Variants in RNF38 observed in about 807,000 individuals in gnomAD.
RNF38 encodes ring finger protein 38, also known as E3 ubiquitin-protein ligase RNF38.
RNF38 carries 15 observed loss-of-function variants against 67.2 expected under a neutral mutation model. The observed-to-expected ratio is 0.22, with a 90% CI of 0.15 to 0.34. The LOEUF (loss-of-function observed/expected upper bound fraction) is 0.34. Among genes scored for constraint, RNF38 ranks in the 10% least tolerant of loss-of-function variants. The pLI is 1.00. For missense variants in RNF38, 524 were observed against 639.9 expected (o/e 0.82, Z 1.95); for synonymous variants, 220 against 218.8 (o/e 1.01, Z -0.05).
At chr9:36,454,516 G>C (rs991756623) in intron 1 of RNF38, among the ~76,000 whole-genome samples, 1 of 151,174 alleles carries the variant, frequency 6.6e-6, no homozygotes, top group African/African-American at 2.4e-5. Flanking sequence ...TATTATGTTA[G>C]GTGTTTCTGA....
At chr9:36,457,397 C>A (rs1429398185) in intron 1 of RNF38, among the ~76,000 whole-genome samples, 2 of 152,196 alleles carry the variant, frequency 1.3e-5, no homozygotes, top group Admixed American at 1.3e-4. Context: ...TAACTCTTTT[C>A]CACTGAGCTA....
At chr9:36,347,353 T>TA (rs1416893676) in intron 9 of RNF38, among the ~76,000 whole-genome samples, 9 of 152,170 alleles carry the variant, frequency 5.9e-5, no homozygotes, top group Admixed American at 5.9e-4. Flanking sequence ...ATGCCACAGA[T>TA]ACGACCTTTT....
At chr9:36,385,218 G>C (rs556456761) in intron 2 of RNF38, among the ~76,000 whole-genome samples, 30 of 152,130 alleles carry the variant, frequency 2.0e-4, no homozygotes, top group African/African-American at 6.3e-4. Flanking sequence ...TTCTTGATCA[G>C]ATTTTGTTAT....
chr9:36,351,324 C>T, intron 8 of RNF38, 125 bp from the exon 9 acceptor site: 1 of 605,188 alleles, frequency 1.7e-6, no homozygotes, highest in Non-Finnish European at 2.8e-6. Context: ...ACAAATTTAA[C>T]AAAACATATG....
intron 9 of RNF38, among the ~76,000 whole-genome samples, chr9:36,345,423 A>G (rs1833157174): frequency 6.6e-6 from 1 of 152,166 alleles, no homozygotes. Context: ...TGTGAGCTGG[A>G]TAATTCTTTG....
chr9:36,435,066 T>C (rs1014277602), intron 1 of RNF38, among the ~76,000 whole-genome samples: 4 of 152,008 alleles, frequency 2.6e-5, no homozygotes, highest in Admixed American at 6.6e-5. Flanking sequence ...AACAAAGCAA[T>C]GTGTGGAACA....
intron 2 of RNF38, among the ~76,000 whole-genome samples, chr9:36,420,552 A>G (rs536311944): frequency 2.7e-5 from 4 of 150,034 alleles, no homozygotes; most frequent in South Asian, 4.2e-4. Context: ...AAAAAAGAGG[A>G]CAACCTTCTC....
At chr9:36,370,647 T>G (rs1835306108) in intron 3 of RNF38, among the ~76,000 whole-genome samples, 1 of 152,200 alleles carries the variant, frequency 6.6e-6, no homozygotes. Context: ...GGCTCATGCC[T>G]GTAATCCTAG....
intron 1 of RNF38, among the ~76,000 whole-genome samples, chr9:36,455,762 A>C (rs1170456651): frequency 1.3e-5 from 2 of 151,704 alleles, no homozygotes; most frequent in Non-Finnish European, 2.9e-5. Context: ...CGTCTCTACT[A>C]AAAGTACAAA....
upstream of RNF38, chr9:36,400,603 G>A (rs1333678816): frequency 6.1e-6 from 6 of 986,094 alleles, no homozygotes; most frequent in Non-Finnish European, 7.2e-6. Context: ...GATCCTCGCT[G>A]GGCCGCCGCC....
chr9:36,366,781 T>C (rs779907762), intron 4 of RNF38, among the ~76,000 whole-genome samples: 3 of 152,216 alleles, frequency 2.0e-5, no homozygotes, highest in Admixed American at 6.5e-5. Flanking sequence ...TAGGTCTGTT[T>C]CTATTGGTTT....
At chr9:36,456,799 G>A (rs1480774481) in intron 1 of RNF38, among the ~76,000 whole-genome samples, 2 of 152,086 alleles carry the variant, frequency 1.3e-5, no homozygotes, top group African/African-American at 4.8e-5. Context: ...CCAACAGATT[G>A]GGCCATGTTG....
intron 2 of RNF38, among the ~76,000 whole-genome samples, chr9:36,411,679 A>G (rs926869210): frequency 4.6e-5 from 7 of 151,924 alleles, no homozygotes; most frequent in African/African-American, 7.3e-5. Flanking sequence ...CTCCTGCCTC[A>G]GCCTCCTAAG....
intron 10 of RNF38, among the ~76,000 whole-genome samples, chr9:36,343,823 T>G (rs1259259058): frequency 6.6e-6 from 1 of 152,114 alleles, no homozygotes; most frequent in East Asian, 1.9e-4. Flanking sequence ...ATGACCCCAT[T>G]TATGTGTAAT....
intron 1 of RNF38, among the ~76,000 whole-genome samples, chr9:36,466,388 T>G (rs760253308): frequency 6.6e-6 from 1 of 152,204 alleles, no homozygotes; most frequent in African/African-American, 2.4e-5. Flanking sequence ...TTTATTTGGG[T>G]AAATTGTATA....
chr9:36,387,138 AC>A (rs1308912873), intron 2 of RNF38, among the ~76,000 whole-genome samples: 1 of 152,054 alleles, frequency 6.6e-6, no homozygotes, highest in Admixed American at 6.5e-5. Context: ...TGAATAATCC[AC>A]CCCGTGTTTA....
In RNF38 at chr9:36,376,117, C is replaced by T; in HGVS notation, c.173G>A (p.Ser58Asn). The T allele has an allele frequency of 4.5e-6, 7 of 1,572,764 alleles. No homozygotes were observed. In the South Asian group the frequency reaches 8.4e-5, roughly 19 times the overall value. ...GAGGCGCTGTCTCTTAGGACTTGGACTATCTTCACTCTGCCAATGCAACAA... is the reference window on the plus strand; with the variant it reads ...GAGGCGCTGTCTCTTAGGACTTGGATTATCTTCACTCTGCCAATGCAACAA... ...HFKAFFQSED[S>N]PSPKRQRLSH... The change falls in exon 3 of 12, where the codon AGT (serine) becomes AAT (asparagine). Residue 58 changes from serine (S) to asparagine (N), a missense_variant. By Grantham distance (46) the Ser-to-Asn change is conservative. Coordinates refer to ENST00000259605, the MANE Select transcript of RNF38 (RefSeq NM_022781.5).
intron 9 of RNF38, among the ~76,000 whole-genome samples, chr9:36,346,757 T>C (rs1833268742): frequency 1.3e-5 from 2 of 152,184 alleles, no homozygotes; most frequent in Non-Finnish European, 1.5e-5. Context: ...ATTTAGATAA[T>C]TGCGTCATCT....
chr9:36,370,866 G>A (rs1489620764), intron 3 of RNF38, among the ~76,000 whole-genome samples: 3 of 151,844 alleles, frequency 2.0e-5, no homozygotes, highest in Non-Finnish European at 2.9e-5. Flanking sequence ...CTGAGATCAC[G>A]CCACTGCACT....
Sources: gnomAD v4.1 joint callset for allele counts (sites outside exome capture counted in the v4.1 genomes callset) on GRCh38, gnomAD v4.1.1 for gene constraint, MANE v1.5 for transcripts, NCBI Gene and HGNC (gene_info 2026-07-23, HGNC 2026-07-21) for gene names.